Variants in LRRC75A observed in about 807,000 individuals in gnomAD.
The protein encoded by LRRC75A is leucine-rich repeat-containing protein 75A.
In LRRC75A, 12 loss-of-function variants were observed where a neutral mutation model predicts 26.0. That is an observed-to-expected ratio of 0.46 (90% CI 0.30 to 0.75). LRRC75A has a LOEUF of 0.75. Ranked by LOEUF, LRRC75A falls within the 30% of genes least tolerant of loss-of-function variation. The probability of loss-of-function intolerance (pLI) is 0.08; values close to 1 mark genes in which losing one functional copy is unlikely to be tolerated. For missense variants in LRRC75A, 410 were observed against 486.6 expected (o/e 0.84, Z 1.48); for synonymous variants, 223 against 219.3 (o/e 1.02, Z -0.15).
At chr17:16,474,956 G>A (rs1231121818) in intron 1 of LRRC75A, among the ~76,000 whole-genome samples, 1 of 149,006 alleles carries the variant, frequency 6.7e-6, no homozygotes, top group African/African-American at 2.5e-5. Context: ...TTGTGCCACC[G>A]CTGCACTCCA....
At chr17:16,459,128 T>C (rs567690327) in intron 2 of LRRC75A, among the ~76,000 whole-genome samples, 1 of 152,356 alleles carries the variant, frequency 6.6e-6, no homozygotes, top group South Asian at 2.1e-4. Flanking sequence ...CAATGGAATA[T>C]GTTGCCTGCT....
intron 2 of LRRC75A, among the ~76,000 whole-genome samples, chr17:16,456,479 A>G (rs1340824300): frequency 1.5e-5 from 1 of 65,006 alleles, no homozygotes; most frequent in Non-Finnish European, 3.8e-5. Context: ...GAGAAAGAAG[A>G]GGAGGAGGAA....
chr17:16,464,073 A>C (rs1243204791), intron 1 of LRRC75A: 1 of 152,218 alleles, frequency 6.6e-6, no homozygotes, highest in Non-Finnish European at 1.5e-5. Context: ...GCCAGGTCCT[A>C]CCTGCCGTGG....
intron 1 of LRRC75A, among the ~76,000 whole-genome samples, chr17:16,485,030 G>T (rs926091619): frequency 6.6e-6 from 1 of 151,872 alleles, no homozygotes; most frequent in Non-Finnish European, 1.5e-5. Context: ...AGGGCCGGGT[G>T]GGGGTAGGGA....
At chr17:16,444,839 G>A (rs2093567158) in intron 3 of LRRC75A, among the ~76,000 whole-genome samples, 1 of 142,976 alleles carries the variant, frequency 7.0e-6, no homozygotes, top group Admixed American at 7.3e-5. Flanking sequence ...GTGGTGAGAT[G>A]TTCATTTTCC....
At chr17:16,486,907 C>T (rs140030896) in intron 1 of LRRC75A, among the ~76,000 whole-genome samples, 209 of 152,338 alleles carry the variant, frequency 1.4e-3, no homozygotes, top group African/African-American at 4.3e-3. Context: ...GACACACTGA[C>T]GACAGCAGCA....
intron 1 of LRRC75A, among the ~76,000 whole-genome samples, chr17:16,470,091 T>A (rs1310742261): frequency 6.6e-6 from 1 of 152,106 alleles, no homozygotes; most frequent in African/African-American, 2.4e-5. Flanking sequence ...TGCCCACCTG[T>A]CTTTGTTTCC....
At chr17:16,445,158 A>ATTTTT (rs766449990) in intron 3 of LRRC75A, among the ~76,000 whole-genome samples, 2 of 69,716 alleles carry the variant, frequency 2.9e-5, no homozygotes, top group Non-Finnish European at 5.1e-5. Context: ...CATTTTCTGC[A>ATTTTT]TTTTTTTTTT....
intron 2 of LRRC75A, among the ~76,000 whole-genome samples, chr17:16,454,392 A>AAAAC (rs373483667): frequency 7.3e-5 from 10 of 136,840 alleles, no homozygotes; most frequent in South Asian, 2.4e-4. Context: ...ACTCTGTCAA[A>AAAAC]AAACAAACAA....
chr17:16,464,507 A>G (rs2093753104), intron 1 of LRRC75A, among the ~76,000 whole-genome samples: 1 of 152,236 alleles, frequency 6.6e-6, no homozygotes, highest in East Asian at 1.9e-4. Context: ...GAACAAGACC[A>G]AGTGTTACAT....
At chr17:16,459,070 T>C (rs973172770) in intron 2 of LRRC75A, among the ~76,000 whole-genome samples, 3 of 152,228 alleles carry the variant, frequency 2.0e-5, no homozygotes, top group African/African-American at 7.2e-5. Context: ...CCCTGTTGAC[T>C]TCCTTTATCC....
intron 1 of LRRC75A, among the ~76,000 whole-genome samples, chr17:16,479,686 G>A (rs1207273161): frequency 6.6e-6 from 1 of 152,232 alleles, no homozygotes; most frequent in Non-Finnish European, 1.5e-5. Context: ...GCTGCCAGCA[G>A]CAGAGCTGTA....
Position 16,491,796 on chromosome 17 carries a change from C to A in LRRC75A, c.195G>T (p.Val65=). 1 of 1,436,272 alleles carries A rather than the reference C, an allele frequency of 7.0e-7. No individual in the cohort carries two copies. The highest frequency in any genetic ancestry group is 1.3e-5 in the South Asian group (1 of 74,618). The allele number at this position is 1,436,272 out of a possible 1,614,324, so 89.0% of individuals were successfully genotyped here. A position where few individuals can be genotyped will look rare whatever the true frequency, so the allele number is the denominator to read the frequency against. The part of the protein sequence containing the change: ...VGMVQELLRM[V]RQGRREEAGT... ...CCGCCTCCTCCCGCCGGCCCTGGCG[C>A]ACCATCCGCAGCAGCTCCTGGACCA... The change falls in exon 1 of 4, where the codon GTG becomes GTT. Residue 65 remains valine, a synonymous_variant. Transcript: ENST00000470794. The surrounding 1 kb of genome is among the most constrained non-coding windows in gnomAD (Gnocchi z 5.9).
chr17:16,487,936 T>C (rs1268141439), intron 1 of LRRC75A, among the ~76,000 whole-genome samples: 5 of 152,222 alleles, frequency 3.3e-5, no homozygotes, highest in African/African-American at 1.2e-4. Flanking sequence ...CATCAGCCTC[T>C]TCTCATGGGA....
At position 16,442,665 on chromosome 17, in the gene LRRC75A, C is replaced by T. The variant is rs2093541721; in HGVS notation, c.*923G>A. ...TTTTTAAGGTTTTAAAGCCCACCTT[C>T]TGCAGTCGGTTTTCTGGAATGTGTT... is the stretch of plus-strand genomic sequence containing the variant. On this transcript the variant is annotated 3_prime_UTR_variant, in exon 4 of 4. Transcript: ENST00000470794. The T allele has an allele frequency of 1.3e-5, 2 of 152,242 alleles. No homozygotes were observed. The highest frequency in any genetic ancestry group is 1.3e-4 in the Admixed American group (2 of 15,288). The allele number at this position is 152,242 out of a possible 1,614,324, so 9.4% of individuals were successfully genotyped here. A position where few individuals can be genotyped will look rare whatever the true frequency, so the allele number is the denominator to read the frequency against.
chr17:16,456,874 T>C (rs1429636980), intron 2 of LRRC75A, among the ~76,000 whole-genome samples: 1 of 152,192 alleles, frequency 6.6e-6, no homozygotes, highest in Non-Finnish European at 1.5e-5. Context: ...GAATCAATGC[T>C]TTGCAGTCCT....
chr17:16,485,649 TGTGTGTGTGTGTGTGTGTGTTC>T (rs1314897649), intron 1 of LRRC75A, among the ~76,000 whole-genome samples: 6 of 129,834 alleles, frequency 4.6e-5, no homozygotes, highest in Non-Finnish European at 8.3e-5. Context: ...TGTGTGTGTG[TGTGTGTGTGTGTGTGTGTGTTC>T]GTGTGTGTGT....
At chr17:16,486,309 C>G (rs978368708) in intron 1 of LRRC75A, among the ~76,000 whole-genome samples, 1 of 151,964 alleles carries the variant, frequency 6.6e-6, no homozygotes, top group African/African-American at 2.4e-5. Flanking sequence ...AAAAAAGGAC[C>G]CCCCAACCCC....
rs2093858205 is a variant in LRRC75A, at chr17:16,491,854, G to A, written c.137C>T (p.Ala46Val). The change falls in exon 1 of 4, where the codon GCG (alanine) becomes GTG (valine). Residue 46 changes from alanine (A) to valine (V), a missense_variant. By Grantham distance (64) the Ala-to-Val change is moderately conservative. Transcript: ENST00000470794. The surrounding 1 kb of genome is among the most constrained non-coding windows in gnomAD (Gnocchi z 5.9). ...RAGDKAGRAG[A>V]GMPPYHRRVG... Reference sequence around the variant, plus strand: ...TCGCCGGTGGTAGGGGGGCATCCCCGCGCCCGCGCGCCCCGCCTTGTCCCC... The same window carrying A: ...TCGCCGGTGGTAGGGGGGCATCCCCACGCCCGCGCGCCCCGCCTTGTCCCC... 1 of 1,392,994 alleles carries A rather than the reference G, an allele frequency of 7.2e-7. No individual in the cohort carries two copies. 86.3% of individuals were successfully genotyped at this position (1,392,994 alleles called of 1,614,324 possible). A position where few individuals can be genotyped will look rare whatever the true frequency, so the allele number is the denominator to read the frequency against.
Sources: allele counts gnomAD v4.1 joint callset (sites outside exome capture counted in the v4.1 genomes callset), GRCh38; gene constraint gnomAD v4.1.1; non-coding constraint Gnocchi (gnomAD v3.1); transcripts MANE v1.5; gene names NCBI Gene and HGNC (gene_info 2026-07-23, HGNC 2026-07-21).